Variants in GRIK2 observed in about 807,000 individuals in gnomAD.
GRIK2 encodes the protein glutamate ionotropic receptor kainate type subunit 2, also known as glutamate receptor ionotropic, kainate 2.
A neutral mutation model predicts 100.3 loss-of-function variants in GRIK2; 32 were observed. The ratio of observed to expected loss-of-function variants is 0.32; its 90% confidence interval spans 0.24 to 0.43. GRIK2 has a LOEUF of 0.43. Among genes scored for constraint, GRIK2 ranks in the 20% least tolerant of loss-of-function variants. The pLI is 1.00. For synonymous variants in GRIK2, 417 were observed against 389.4 expected (o/e 1.07, Z -0.83); for missense variants, 843 against 1,114.9 (o/e 0.76, Z 3.47).
At chr6:102,030,847 T>G (rs1446463733) in intron 14 of GRIK2, among the ~76,000 whole-genome samples, 1 of 151,020 alleles carries the variant, frequency 6.6e-6, no homozygotes, top group South Asian at 2.1e-4. Flanking sequence ...TTTTTAGCTT[T>G]GATATCCCCT....
chr6:101,754,239 A>G (rs1398491263), intron 7 of GRIK2, among the ~76,000 whole-genome samples: 2 of 152,196 alleles, frequency 1.3e-5, no homozygotes, highest in Admixed American at 1.3e-4. Flanking sequence ...ATTAGCTTTT[A>G]CAAATGTTAA....
At chr6:101,902,232 A>G (rs998841368) in intron 12 of GRIK2, among the ~76,000 whole-genome samples, 10 of 152,066 alleles carry the variant, frequency 6.6e-5, no homozygotes, top group African/African-American at 2.2e-4. Flanking sequence ...TGCAAGCCAG[A>G]ATGAGCAGGC....
chr6:101,676,863 T>C (rs1770878502), intron 5 of GRIK2, 59 bp downstream of exon 5: 1 of 952,580 alleles, frequency 1.0e-6, no homozygotes, highest in South Asian at 1.6e-5. Flanking sequence ...TACAATATGA[T>C]CTTCTTTTAA....
At chr6:101,495,740 C>T (rs1773409051) in intron 2 of GRIK2, among the ~76,000 whole-genome samples, 1 of 151,848 alleles carries the variant, frequency 6.6e-6, no homozygotes, top group Non-Finnish European at 1.5e-5. Flanking sequence ...CAGTTCAGAC[C>T]TCAAACAGGG....
At chr6:101,948,509 TATAA>T (rs1426108467) in intron 14 of GRIK2, among the ~76,000 whole-genome samples, 3 of 148,122 alleles carry the variant, frequency 2.0e-5, no homozygotes, top group African/African-American at 7.3e-5. Flanking sequence ...TATAGTTATA[TATAA>T]ATATATTTAT....
At chr6:101,685,478 T>C (rs1441723975) in intron 6 of GRIK2, among the ~76,000 whole-genome samples, 1 of 152,300 alleles carries the variant, frequency 6.6e-6, no homozygotes, top group East Asian at 1.9e-4. Context: ...CTGGATGTTT[T>C]CATGGTGGCA....
At chr6:101,560,866 G>C (rs949152186) in intron 2 of GRIK2, among the ~76,000 whole-genome samples, 4 of 152,204 alleles carry the variant, frequency 2.6e-5, no homozygotes, top group Admixed American at 1.3e-4. Context: ...CATCATCACT[G>C]TGCTAGCAAA....
chr6:101,461,674 C>T (rs1230861454), intron 2 of GRIK2, among the ~76,000 whole-genome samples: 1 of 152,128 alleles, frequency 6.6e-6, no homozygotes, highest in Admixed American at 6.5e-5. Flanking sequence ...AACATATTCA[C>T]AGGTTCCAGG....
At chr6:101,483,834 T>A (rs1249264580) in intron 2 of GRIK2, among the ~76,000 whole-genome samples, 1 of 152,238 alleles carries the variant, frequency 6.6e-6, no homozygotes, top group Non-Finnish European at 1.5e-5. Flanking sequence ...CCTCCCAAAG[T>A]GCTGGGATTA....
chr6:102,044,070 T>A lies in GRIK2; in HGVS notation c.2311+8504T>A, dbSNP rs942005668. Among the ~76,000 whole-genome samples the A allele has an allele frequency of 1.9e-4, 29 of 151,952 alleles. 1 individual carries two copies. Among genetic ancestry groups the A allele is most frequent in the Non-Finnish European group, 2.9e-5 (2 of 67,958 alleles). On this transcript the variant is annotated intron_variant, in intron 15 of 16. Coordinates refer to ENST00000369134, the MANE Select transcript of GRIK2 (RefSeq NM_021956.5). ...ATGAAAATGGGCTCATACAGAGGAA[T>A]ACCATTGAAAGACCTTAATTTTATA...
chr6:101,722,418 C>T (rs1443993944), intron 7 of GRIK2, among the ~76,000 whole-genome samples: 1 of 151,976 alleles, frequency 6.6e-6, no homozygotes, highest in Non-Finnish European at 1.5e-5. Context: ...AATACCTGTG[C>T]ATTTGAATCT....
At chr6:101,826,390 G>C (rs1015613629) in intron 10 of GRIK2, among the ~76,000 whole-genome samples, 2 of 152,042 alleles carry the variant, frequency 1.3e-5, no homozygotes, top group Admixed American at 1.3e-4. Context: ...AGACGTAAAG[G>C]TTAAAAGCCT....
At chr6:101,998,812 C>CTTTTTTTTT (rs755522043) in intron 14 of GRIK2, among the ~76,000 whole-genome samples, 34 of 110,060 alleles carry the variant, frequency 3.1e-4, no homozygotes, top group Non-Finnish European at 3.8e-4. Context: ...TTTTTCTTTT[C>CTTTTTTTTT]TTTTTTTTTT....
chr6:101,579,471 C>CT (rs1348941897), intron 2 of GRIK2, among the ~76,000 whole-genome samples: 1 of 150,192 alleles, frequency 6.7e-6, no homozygotes, highest in Non-Finnish European at 1.5e-5. Flanking sequence ...CGCTTTCTCT[C>CT]TTTTTTCTTT....
intron 2 of GRIK2, among the ~76,000 whole-genome samples, chr6:101,498,012 C>T (rs1721458137): frequency 9.3e-6 from 1 of 107,824 alleles, no homozygotes; most frequent in Non-Finnish European, 1.8e-5. Context: ...TACTATCCCT[C>T]CCCCCTCCCC....
intron 11 of GRIK2, among the ~76,000 whole-genome samples, chr6:101,888,405 T>C (rs181475919): frequency 1.7e-3 from 259 of 152,350 alleles, no homozygotes; most frequent in Admixed American, 2.7e-3. Context: ...ATAGTGCTGT[T>C]GTACAGCAGC....
chr6:101,466,998 A>G (rs1582514522), intron 2 of GRIK2, among the ~76,000 whole-genome samples: 1 of 152,340 alleles, frequency 6.6e-6, no homozygotes, highest in African/African-American at 2.4e-5. Context: ...CCGCTAATAT[A>G]CATGATAGTA....
rs1448068876 is a variant in GRIK2, at chr6:101,889,694, A to G, written c.1579A>G (p.Ile527Val). ...TATTACCTATGTTCGAGAGAAGGTC[A>G]TCGACTTTTCCAAGCCCTTTATGAC... ...LAITYVREKV[I>V]DFSKPFMTLG... Residue 527 changes from isoleucine to valine, a missense_variant, in exon 12 of 17, where the codon ATC becomes GTC. Physicochemically the swap from Ile to Val is conservative, Grantham distance 29 (BLOSUM62 3). Coordinates refer to ENST00000369134, the MANE Select transcript of GRIK2 (RefSeq NM_021956.5). The G allele has an allele frequency of 6.2e-7, 1 of 1,611,394 alleles. No individual in the cohort carries two copies. The highest frequency in any genetic ancestry group is 1.4e-5 in the African/African-American group (1 of 74,036).
At chr6:101,468,758 C>G (rs1771792230) in intron 2 of GRIK2, among the ~76,000 whole-genome samples, 1 of 151,966 alleles carries the variant, frequency 6.6e-6, no homozygotes. Flanking sequence ...ATCCAGTAAA[C>G]CACAGAATGA....
Sources: gnomAD v4.1 joint callset for allele counts (sites outside exome capture counted in the v4.1 genomes callset) on GRCh38, gnomAD v4.1.1 for gene constraint, MANE v1.5 for transcripts, NCBI Gene and HGNC (gene_info 2026-07-23, HGNC 2026-07-21) for gene names.